The following ZNF251 variants were observed in gnomAD, a reference collection of about 807,000 sequenced individuals.
ZNF251 encodes zinc finger protein 251.
A neutral mutation model predicts 13.5 loss-of-function variants in ZNF251; 14 were observed. That is an observed-to-expected ratio of 1.04 (90% confidence interval 0.69 to 1.63). The LOEUF is 1.63. Ranked by LOEUF, ZNF251 falls within the 40% of genes most tolerant of loss-of-function variation. ZNF251 has a pLI of 0.00. For synonymous variants in ZNF251, 287 were observed against 295.2 expected (o/e 0.97, Z 0.28); for missense variants, 764 against 834.9 (o/e 0.92, Z 1.05).
intron 4 of ZNF251, among the ~76,000 whole-genome samples, chr8:144,745,508 T>C (rs533687200): frequency 6.6e-6 from 1 of 152,256 alleles, no homozygotes; most frequent in African/African-American, 2.4e-5. Context: ...CTTATAAACA[T>C]TACAATCAGT....
At chr8:144,743,831 C>T (rs1824282963) in intron 4 of ZNF251, among the ~76,000 whole-genome samples, 1 of 152,180 alleles carries the variant, frequency 6.6e-6, no homozygotes, top group South Asian at 2.1e-4. Context: ...ACAATGCCCA[C>T]CTGTCATCTG....
At chr8:144,738,654 A>G in intron 4 of ZNF251, 1 of 985,464 alleles carries the variant, frequency 1.0e-6, no homozygotes, top group Non-Finnish European at 1.2e-6. Flanking sequence ...AGACTCAGTC[A>G]GGCAAGTGGA....
intron 4 of ZNF251, among the ~76,000 whole-genome samples, chr8:144,746,250 G>T (rs781376201): frequency 6.6e-6 from 1 of 152,210 alleles, no homozygotes; most frequent in Non-Finnish European, 1.5e-5. Context: ...ATGACCACAT[G>T]ATCTTTCTTC....
intron 4 of ZNF251, among the ~76,000 whole-genome samples, chr8:144,731,947 C>CTTTTTTTTTTTT (rs1563758169): frequency 7.3e-6 from 1 of 136,626 alleles, no homozygotes. Context: ...CTGACAGCTG[C>CTTTTTTTTTTTT]ATTTTTTTTT....
intron 3 of ZNF251, 150 bp from the exon 4 acceptor site, chr8:144,753,946 T>C: frequency 1.3e-6 from 1 of 762,954 alleles, no homozygotes; most frequent in East Asian, 2.7e-5. Context: ...TGAAGGAGAA[T>C]CCACTCATCA....
intron 4 of ZNF251, among the ~76,000 whole-genome samples, chr8:144,748,392 T>C (rs1332132104): frequency 6.6e-6 from 1 of 152,162 alleles, no homozygotes; most frequent in East Asian, 1.9e-4. Flanking sequence ...ATTTTGATGC[T>C]GTTGTTAGGC....
In ZNF251 at chr8:144,755,496, T is replaced by G; in HGVS notation, c.-167A>C. The G allele has an allele frequency of 7.8e-7, 1 of 1,286,412 alleles. No individual in the cohort carries two copies. Among genetic ancestry groups the G allele is most frequent in the Non-Finnish European group, 1.0e-6 (1 of 988,414 alleles). The allele number at this position is 1,286,412 out of a possible 1,614,324, so 79.7% of individuals were successfully genotyped here. A position where few individuals can be genotyped will look rare whatever the true frequency, so the allele number is the denominator to read the frequency against. On this transcript the variant is annotated 5_prime_UTR_variant, in exon 1 of 5. Coordinates refer to ENST00000292562, the MANE Select transcript of ZNF251 (RefSeq NM_138367.2). ...GAACGGACCCTCCCACAGAACCGGG[T>G]CCAGAGCCGGGGAGGGGGCGGGCTA... is the stretch of plus-strand genomic sequence containing the variant.
At chr8:144,738,999 C>T (rs1203628902) in intron 4 of ZNF251, among the ~76,000 whole-genome samples, 2 of 152,098 alleles carry the variant, frequency 1.3e-5, no homozygotes, top group Admixed American at 6.5e-5. Flanking sequence ...CAAGGCCTTC[C>T]TGACGGGGAT....
rs371218772 is a variant in ZNF251 at position 144,722,161 on chromosome 8, C to T, written c.1499G>A (p.Arg500Gln). ...DCGDCGKAFS[R>Q]RSTLIQHQKV... ...CTGATGCTGAATGAGGGTTGACCTCCGGCTGAAGGCCTTCCCACAGTCACC... is the reference window on the plus strand; with the variant it reads ...CTGATGCTGAATGAGGGTTGACCTCTGGCTGAAGGCCTTCCCACAGTCACC... Residue 500 changes from arginine to glutamine, a missense_variant, in exon 5 of 5, where the codon CGG (arginine) becomes CAG (glutamine). Arg to Gln is a conservative substitution (Grantham distance 43). Transcript: ENST00000292562. The surrounding 1 kb of genome is among the most constrained non-coding windows in gnomAD (Gnocchi z 4.8). 38 of 1,613,970 alleles carry T rather than the reference C, an allele frequency of 2.4e-5. No individual in the cohort carries two copies. Among genetic ancestry groups the T allele is most frequent in the Admixed American group, 6.7e-5 (4 of 60,000 alleles).
At chr8:144,747,204 A>G (rs1824469132) in intron 4 of ZNF251, among the ~76,000 whole-genome samples, 1 of 152,080 alleles carries the variant, frequency 6.6e-6, no homozygotes, top group African/African-American at 2.4e-5. Flanking sequence ...TTATCTTGAG[A>G]TATCTTCTTT....
intron 4 of ZNF251, among the ~76,000 whole-genome samples, chr8:144,752,000 GAAGT>G (rs1363416015): frequency 1.9e-4 from 29 of 152,206 alleles, no homozygotes; most frequent in Admixed American, 1.4e-3. Flanking sequence ...AGTCATAAGT[GAAGT>G]AAGTCTTATA....
chr8:144,731,668 C>T (rs1384749395), intron 4 of ZNF251, among the ~76,000 whole-genome samples: 1 of 152,174 alleles, frequency 6.6e-6, no homozygotes, highest in Admixed American at 6.5e-5. Flanking sequence ...CTCACGGCAA[C>T]CTCTGCCTCC....
rs1823652386 is a variant in ZNF251 at position 144,730,171 on chromosome 8, C to T, written c.278-6789G>A. ...AGGGAAGTGGAGAGCCATGTTTTAT[C>T]CACCGGGCCTAAAGCCCCTCCAGGC... On this transcript the variant is annotated intron_variant, in intron 4 of 4. Coordinates refer to ENST00000292562, the MANE Select transcript of ZNF251 (RefSeq NM_138367.2). 5 of 957,710 alleles carry T rather than the reference C, an allele frequency of 5.2e-6. No homozygotes were observed. The South Asian group carries it at 2.4e-4, about 46-fold the overall frequency. The allele number at this position is 957,710 out of a possible 1,614,324, so 59.3% of individuals were successfully genotyped here. A position where few individuals can be genotyped will look rare whatever the true frequency, so the allele number is the denominator to read the frequency against.
At chr8:144,743,637 G>A (rs948825450) in intron 4 of ZNF251, among the ~76,000 whole-genome samples, 6 of 152,086 alleles carry the variant, frequency 3.9e-5, no homozygotes, top group African/African-American at 7.2e-5. Context: ...TAAGACTGTC[G>A]AACTGTCTTC....
chr8:144,752,956 TA>T (rs1372290323), intron 4 of ZNF251, among the ~76,000 whole-genome samples: 1 of 152,072 alleles, frequency 6.6e-6, no homozygotes, highest in Non-Finnish European at 1.5e-5. Flanking sequence ...AGTAGATGTA[TA>T]TTCAATAGAA....
Position 144,755,508 on chromosome 8 carries a change from G to A in ZNF251, c.-179C>T, listed in dbSNP as rs1824926292. ...CCACAGAACCGGGTCCAGAGCCGGG[G>A]AGGGGGCGGGCTAGGATGAAGAGGG... On this transcript the variant is annotated 5_prime_UTR_variant, in exon 1 of 5. Transcript: ENST00000292562. 7.8e-7 allele frequency: 1 copy of A among 1,286,510 alleles called. No homozygotes were observed. The highest frequency in any genetic ancestry group is 1.0e-6 in the Non-Finnish European group (1 of 988,464). 79.7% of individuals were successfully genotyped at this position (1,286,510 alleles called of 1,614,324 possible).
intron 3 of ZNF251, 86 bp downstream of exon 3, chr8:144,754,103 CTCT>C (rs1824835638): frequency 5.3e-6 from 8 of 1,515,740 alleles, no homozygotes; most frequent in Non-Finnish European, 7.1e-6. Flanking sequence ...GGGCAGGACC[CTCT>C]TCTTTGGGAT....
chr8:144,721,817 T>C lies in ZNF251; in HGVS notation c.1843A>G (p.Thr615Ala), dbSNP rs1823378632. ...TGACATGGTTTCTGACCAGTGTGAG[T>C]TACCTGATGTTGAATAAGGGTTGAC... Reference protein sequence around the residue: ...GKSTLIQHQVTHTGQKPCHCS... With the variant: ...GKSTLIQHQVAHTGQKPCHCS... Residue 615 changes from threonine to alanine, a missense_variant, in exon 5 of 5, where the codon ACT (threonine) becomes GCT (alanine). By Grantham distance (58) the Thr-to-Ala change is moderately conservative. Coordinates refer to ENST00000292562, the MANE Select transcript of ZNF251 (RefSeq NM_138367.2). The C allele has an allele frequency of 4.0e-6, 6 of 1,490,508 alleles. No individual in the cohort carries two copies. The highest frequency in any genetic ancestry group is 3.0e-5 in the South Asian group (2 of 66,816). The allele number at this position is 1,490,508 out of a possible 1,614,324, so 92.3% of individuals were successfully genotyped here.
intron 4 of ZNF251, among the ~76,000 whole-genome samples, chr8:144,732,621 G>T (rs577031931): frequency 6.6e-6 from 1 of 151,332 alleles, no homozygotes; most frequent in Admixed American, 6.6e-5. Context: ...GACCATCCTG[G>T]CCAACACGGT....
Sources: allele counts gnomAD v4.1 joint callset (sites outside exome capture counted in the v4.1 genomes callset), GRCh38; gene constraint gnomAD v4.1.1; non-coding constraint Gnocchi (gnomAD v3.1); transcripts MANE v1.5; gene names NCBI Gene and HGNC (gene_info 2026-07-23, HGNC 2026-07-21).